LINGO2: variants seen among roughly 807,000 people sequenced by gnomAD.
LINGO2 encodes the protein leucine-rich repeat and immunoglobulin-like domain-containing nogo receptor-interacting protein 2.
A neutral mutation model predicts 30.6 loss-of-function variants in LINGO2; 14 were observed. That is an observed-to-expected ratio of 0.46 (90% confidence interval 0.30 to 0.72). LINGO2 has a LOEUF of 0.72. Ranked by LOEUF, LINGO2 falls within the 30% of genes least tolerant of loss-of-function variation. LINGO2 has a pLI of 0.07. For missense variants in LINGO2, 729 were observed against 751.7 expected (o/e 0.97, Z 0.35); for synonymous variants, 317 against 288.5 (o/e 1.10, Z -1.00).
At chr9:28,197,046 G>C (rs1820039262) in intron 4 of LINGO2, among the ~76,000 whole-genome samples, 1 of 151,840 alleles carries the variant, frequency 6.6e-6, no homozygotes, top group South Asian at 2.1e-4. Flanking sequence ...TAAAAGAGTG[G>C]AATTGGAATG....
intron 1 of LINGO2, among the ~76,000 whole-genome samples, chr9:28,484,754 G>C (rs952665642): frequency 5.3e-5 from 8 of 152,050 alleles, no homozygotes; most frequent in Non-Finnish European, 1.2e-4. Flanking sequence ...TTTCCCAAAA[G>C]TGGTCAGAGA....
intron 1 of LINGO2, among the ~76,000 whole-genome samples, chr9:28,557,404 C>A (rs1369995906): frequency 3.9e-5 from 6 of 152,066 alleles, no homozygotes; most frequent in Non-Finnish European, 7.4e-5. Flanking sequence ...AAATGCTCAT[C>A]ATCACTGGCC....
At chr9:29,013,396 T>C in the LINGO2 span, among the ~76,000 whole-genome samples, 12 of 151,808 alleles carry the variant, frequency 7.9e-5, no homozygotes, top group Non-Finnish European at 1.8e-4. Flanking sequence ...ATGAGTTTTT[T>C]TTTTCATGGC....
intron 4 of LINGO2, among the ~76,000 whole-genome samples, chr9:28,028,497 C>A (rs978408551): frequency 2.0e-5 from 3 of 151,880 alleles, no homozygotes; most frequent in South Asian, 2.1e-4. Context: ...ACACGTAACA[C>A]CCAGAGAAGA....
the LINGO2 span, among the ~76,000 whole-genome samples, chr9:29,059,682 G>A: frequency 2.0e-5 from 3 of 151,872 alleles, no homozygotes; most frequent in Non-Finnish European, 2.9e-5. Context: ...TTAAAGATGC[G>A]TTAACCCACA....
At chr9:29,177,880 T>C in the LINGO2 span, among the ~76,000 whole-genome samples, 3 of 151,348 alleles carry the variant, frequency 2.0e-5, no homozygotes, top group African/African-American at 7.3e-5. Context: ...CCCTTCTCTC[T>C]TTCTCACCAA....
At chr9:28,655,796 C>T (rs1385104241) in intron 1 of LINGO2, among the ~76,000 whole-genome samples, 3 of 152,090 alleles carry the variant, frequency 2.0e-5, no homozygotes, top group Non-Finnish European at 2.9e-5. Flanking sequence ...TCTTCTCTTC[C>T]TCCATGATTG....
intron 1 of LINGO2, among the ~76,000 whole-genome samples, chr9:28,572,679 C>T (rs1823754309): frequency 6.8e-6 from 1 of 147,776 alleles, no homozygotes; most frequent in East Asian, 1.9e-4. Flanking sequence ...CAAAATGTCC[C>T]GTGATTCATT....
chr9:28,660,945 CTA>C (rs1828559551), intron 1 of LINGO2, among the ~76,000 whole-genome samples: 1 of 152,080 alleles, frequency 6.6e-6, no homozygotes. Flanking sequence ...ACTGCAAAAA[CTA>C]AACCTGGGGC....
chr9:28,995,119 A>G, the LINGO2 span, among the ~76,000 whole-genome samples: 1 of 152,116 alleles, frequency 6.6e-6, no homozygotes, highest in South Asian at 2.1e-4. Context: ...CAACCTACTC[A>G]TCTGACAAAA....
At chr9:28,738,288 T>C in the LINGO2 span, among the ~76,000 whole-genome samples, 4 of 152,144 alleles carry the variant, frequency 2.6e-5, no homozygotes, top group African/African-American at 9.7e-5. Context: ...TCTCTCTCTT[T>C]CTTCTCCACT....
Position 28,564,373 on chromosome 9 carries a change from C to T in LINGO2, c.-364-88348G>A, listed in dbSNP as rs189526153. 1.1e-3 allele frequency among the ~76,000 whole-genome samples: 165 copies of T among 152,158 alleles called. 1 individual carries two copies. Among genetic ancestry groups the T allele is most frequent in the African/African-American group, 3.7e-3 (153 of 41,536 alleles). On this transcript the variant is annotated intron_variant, in intron 1 of 5. Transcript: ENST00000379992. ...CCGGGAGTAGATAATTCTAAATAAA[C>T]CAATTGTGCTTTTTTAAAATAAATA...
At chr9:28,303,583 G>T (rs1389892200) in intron 3 of LINGO2, among the ~76,000 whole-genome samples, 1 of 152,074 alleles carries the variant, frequency 6.6e-6, no homozygotes, top group Non-Finnish European at 1.5e-5. Flanking sequence ...AAGCCTTACT[G>T]TAACATAACA....
chr9:28,827,271 C>T, the LINGO2 span, among the ~76,000 whole-genome samples: 4 of 152,054 alleles, frequency 2.6e-5, no homozygotes, highest in Non-Finnish European at 5.9e-5. Flanking sequence ...TGATAGTGAG[C>T]TCATTGATTT....
chr9:29,044,837 C>T, the LINGO2 span, among the ~76,000 whole-genome samples: 2 of 152,048 alleles, frequency 1.3e-5, no homozygotes, highest in African/African-American at 4.8e-5. Context: ...CTTATACATA[C>T]ACCCTTAAGA....
the LINGO2 span, among the ~76,000 whole-genome samples, chr9:29,198,503 C>T: frequency 1.3e-5 from 2 of 152,144 alleles, no homozygotes; most frequent in African/African-American, 4.8e-5. Flanking sequence ...TGTGTATACA[C>T]TGATGCTCGG....
chr9:28,266,217 C>A (rs962531475), intron 4 of LINGO2, among the ~76,000 whole-genome samples: 1 of 151,896 alleles, frequency 6.6e-6, no homozygotes, highest in South Asian at 2.1e-4. Flanking sequence ...TGATGAAGTA[C>A]CCCCAGAGGT....
At chr9:29,115,769 C>A in the LINGO2 span, among the ~76,000 whole-genome samples, 1 of 151,962 alleles carries the variant, frequency 6.6e-6, no homozygotes, top group East Asian at 1.9e-4. Context: ...GTAATACGAA[C>A]AATAAAATCA....
At chr9:28,395,571 G>A (rs1822006568) in intron 2 of LINGO2, among the ~76,000 whole-genome samples, 1 of 151,758 alleles carries the variant, frequency 6.6e-6, no homozygotes, top group Non-Finnish European at 1.5e-5. Context: ...AAAGTGGAAA[G>A]CCTGGTCTCC....
Sources: gnomAD v4.1 joint callset for allele counts (sites outside exome capture counted in the v4.1 genomes callset) on GRCh38, gnomAD v4.1.1 for gene constraint, MANE v1.5 for transcripts, NCBI Gene and HGNC (gene_info 2026-07-23, HGNC 2026-07-21) for gene names.